The following SCN1A variants were observed in gnomAD, a reference collection of about 807,000 sequenced individuals.
SCN1A encodes sodium voltage-gated channel alpha subunit 1, also known as sodium channel protein type 1 subunit alpha.
In SCN1A, 13 loss-of-function variants were observed where a neutral mutation model predicts 193.7. The observed-to-expected ratio is 0.07, with a 90% CI of 0.04 to 0.11. The LOEUF (loss-of-function observed/expected upper bound fraction) is 0.11. Among genes scored for constraint, SCN1A ranks in the 10% least tolerant of loss-of-function variants. The pLI is 1.00. For synonymous variants in SCN1A, 781 were observed against 843.6 expected (o/e 0.93, Z 1.29); for missense variants, 1,432 against 2,451.1 (o/e 0.58, Z 8.78).
chr2:166,052,683 G>C (rs1698709710), intron 8 of SCN1A, among the ~76,000 whole-genome samples, 169 bp downstream of exon 8: 1 of 150,976 alleles, frequency 6.6e-6, no homozygotes, highest in African/African-American at 2.4e-5. Flanking sequence ...TCTCACATAA[G>C]ACATTGTTAA....
At chr2:166,098,683 T>C (rs1687678268) in intron 2 of SCN1A, among the ~76,000 whole-genome samples, 1 of 152,028 alleles carries the variant, frequency 6.6e-6, no homozygotes, top group African/African-American at 2.4e-5. Flanking sequence ...AAAATTAATG[T>C]ACAAAAATCA....
rs941911365 is a variant in SCN1A, at chr2:166,047,006, C to T, written c.1171-30G>A. ...AAACAAAAATATCAGAATTATTTCT[C>T]AATATTATTTCACTAAGTGGTGGCT... On this transcript the variant is annotated intron_variant, in intron 11 of 28. Transcript: ENST00000674923. 2.5e-6 allele frequency: 4 copies of T among 1,608,950 alleles called. No homozygotes were observed. In the African/African-American group the frequency reaches 4.0e-5, roughly 16 times the overall value.
At chr2:166,079,927 C>T (rs1685332134) in intron 2 of SCN1A, among the ~76,000 whole-genome samples, 1 of 150,824 alleles carries the variant, frequency 6.6e-6, no homozygotes, top group South Asian at 2.1e-4. Flanking sequence ...TCAAATGCTA[C>T]CTAAAAATAA....
intron 24 of SCN1A, among the ~76,000 whole-genome samples, chr2:166,000,998 A>G (rs530871059): frequency 7.4e-4 from 111 of 150,288 alleles, no homozygotes; most frequent in African/African-American, 2.7e-3. Context: ...TAAAATTTTT[A>G]ATTTTTCTTT....
intron 22 of SCN1A, among the ~76,000 whole-genome samples, chr2:166,010,803 C>T (rs866764256): frequency 6.6e-6 from 1 of 150,738 alleles, no homozygotes; most frequent in Non-Finnish European, 1.5e-5. Context: ...CTATACTGAT[C>T]TTCATTAAAG....
At position 165,989,780 on chromosome 2, in the gene SCN1A, C is replaced by T. The variant is rs1448549654; in HGVS notation, c.*1465G>A. The T allele has an allele frequency of 1.3e-5, 2 of 152,466 alleles. No homozygotes were observed. Among genetic ancestry groups the T allele is most frequent in the South Asian group, 2.1e-4 (1 of 4,824 alleles). 9.4% of individuals were successfully genotyped at this position (152,466 alleles called of 1,614,324 possible). On this transcript the variant is annotated 3_prime_UTR_variant, in exon 29 of 29. Coordinates refer to ENST00000674923, the MANE Select transcript of SCN1A (RefSeq NM_001165963.4). Reference sequence around the variant, plus strand: ...ATAATTTCCTCTTCATATTTATGTACATAATGCTGAAAAATAAAATAAAGT... The same window carrying T: ...ATAATTTCCTCTTCATATTTATGTATATAATGCTGAAAAATAAAATAAAGT...
At chr2:166,062,184 C>G (rs986847217) in intron 4 of SCN1A, among the ~76,000 whole-genome samples, 3 of 152,076 alleles carry the variant, frequency 2.0e-5, no homozygotes, top group Non-Finnish European at 2.9e-5. Flanking sequence ...CCATTTTTCT[C>G]AGATTGAAAC....
At chr2:166,124,809 C>A (rs968692970) in intron 2 of SCN1A, among the ~76,000 whole-genome samples, 1 of 152,180 alleles carries the variant, frequency 6.6e-6, no homozygotes, top group African/African-American at 2.4e-5. Flanking sequence ...AACTGTATAA[C>A]CCAGCAAGTT....
intron 3 of SCN1A, among the ~76,000 whole-genome samples, chr2:166,074,961 T>C (rs1004695480): frequency 1.3e-5 from 2 of 152,200 alleles, no homozygotes. Context: ...AGTGAAGTTT[T>C]CAGCGGTTCT....
intron 19 of SCN1A, among the ~76,000 whole-genome samples, chr2:166,017,761 T>A (rs1693497116): frequency 6.6e-6 from 1 of 151,966 alleles, no homozygotes; most frequent in Non-Finnish European, 1.5e-5. Context: ...GGATATTATT[T>A]CCTGTGAATA....
In SCN1A at chr2:165,991,091, G is replaced by A. The variant is rs1689063461; in HGVS notation, c.*154C>T. On this transcript the variant is annotated 3_prime_UTR_variant, in exon 29 of 29. Coordinates refer to ENST00000674923, the MANE Select transcript of SCN1A (RefSeq NM_001165963.4). Reference sequence around the variant, plus strand: ...ACAGAGTCACAGTTTGCTGACAAGGGGTCACTGTCTTATTGTAGGCACTGA... The same window carrying A: ...ACAGAGTCACAGTTTGCTGACAAGGAGTCACTGTCTTATTGTAGGCACTGA... 29 of 658,630 alleles carry A rather than the reference G, an allele frequency of 4.4e-5. 2 individuals carry two copies. In the South Asian group the frequency reaches 5.6e-4, roughly 13 times the overall value. 40.8% of individuals were successfully genotyped at this position (658,630 alleles called of 1,614,324 possible).
intron 1 of SCN1A, among the ~76,000 whole-genome samples, chr2:166,142,861 C>T (rs912029578): frequency 3.9e-5 from 6 of 152,140 alleles, no homozygotes; most frequent in African/African-American, 1.4e-4. Flanking sequence ...CTCATGAGAT[C>T]TGTTGGTTTT....
At chr2:166,049,960 TA>T (rs1473759550) in intron 9 of SCN1A, among the ~76,000 whole-genome samples, 4 of 152,042 alleles carry the variant, frequency 2.6e-5, no homozygotes, top group Non-Finnish European at 5.9e-5. Flanking sequence ...TAAGAAGATA[TA>T]TTTTCTAGAT....
chr2:166,041,421 G>A lies in SCN1A; in HGVS notation c.2225C>T (p.Ser742Phe). The A allele has an allele frequency of 6.2e-7, 1 of 1,607,540 alleles. No homozygotes were observed. Among genetic ancestry groups the A allele is most frequent in the Non-Finnish European group, 8.5e-7 (1 of 1,177,762 alleles). ...QKCPPCWYKF[S>F]NIFLIWDCSP... Reference sequence around the variant, plus strand: ...ACAGTCCCAGATTAAGAATATGTTGGAAAATTTATACCAACAGGGTGGGCA... The same window carrying A: ...ACAGTCCCAGATTAAGAATATGTTGAAAAATTTATACCAACAGGGTGGGCA... Residue 742 changes from serine (S) to phenylalanine (F), a missense_variant, in exon 16 of 29, where the codon TCC (serine) becomes TTC (phenylalanine). Coordinates refer to ENST00000674923, the MANE Select transcript of SCN1A (RefSeq NM_001165963.4).
At chr2:166,029,817 G>A (rs1695308324) in intron 19 of SCN1A, among the ~76,000 whole-genome samples, 1 of 152,082 alleles carries the variant, frequency 6.6e-6, no homozygotes, top group African/African-American at 2.4e-5. Context: ...GACTCTTCCA[G>A]CAGCTTTAAA....
At chr2:166,048,842 T>A (rs761502007) in intron 10 of SCN1A, 44 bp downstream of exon 10, 7 of 1,203,720 alleles carry the variant, frequency 5.8e-6, no homozygotes, top group Non-Finnish European at 8.7e-6. Flanking sequence ...CATATGTATG[T>A]GTACATACAA....
chr2:166,015,857 G>A (rs771305548), intron 19 of SCN1A, 130 bp from the exon 20 acceptor site: 15 of 992,602 alleles, frequency 1.5e-5, no homozygotes, highest in Non-Finnish European at 2.3e-5. Flanking sequence ...GAGAAAAAGA[G>A]AGATTGAATA....
At chr2:166,052,308 C>T (rs538957692) in intron 8 of SCN1A, among the ~76,000 whole-genome samples, 1 of 151,952 alleles carries the variant, frequency 6.6e-6, no homozygotes, top group South Asian at 2.1e-4. Flanking sequence ...CTCATATTTT[C>T]ATTAGGGTCA....
intron 1 of SCN1A, among the ~76,000 whole-genome samples, chr2:166,141,737 T>G (rs911935975): frequency 1.4e-5 from 2 of 141,220 alleles, no homozygotes; most frequent in African/African-American, 5.1e-5. Context: ...TTTTCTTTTT[T>G]TTTTTTCTAT....
Sources: gnomAD v4.1 joint callset for allele counts (sites outside exome capture counted in the v4.1 genomes callset) on GRCh38, gnomAD v4.1.1 for gene constraint, MANE v1.5 for transcripts, NCBI Gene and HGNC (gene_info 2026-07-23, HGNC 2026-07-21) for gene names.